PPP1R1C: variants seen among roughly 807,000 people sequenced by gnomAD.
PPP1R1C encodes protein phosphatase 1 regulatory inhibitor subunit 1C.
PPP1R1C carries 15 observed loss-of-function variants against 17.4 expected under a neutral mutation model. The observed-to-expected ratio is 0.86, with a 90% confidence interval of 0.58 to 1.33. PPP1R1C has a LOEUF of 1.33. Ranked by LOEUF, PPP1R1C falls within the 40% of genes most tolerant of loss-of-function variation. PPP1R1C has a pLI of 0.00. For synonymous variants in PPP1R1C, 35 were observed against 43.1 expected, an observed-to-expected ratio of 0.81 and a Z score of 0.73; for missense variants, 143 against 130.0, an observed-to-expected ratio of 1.10 and a Z score of -0.48.
At position 181,962,293 on chromosome 2, in the gene PPP1R1C, G is replaced by A. The variant is rs1203127664; in HGVS notation, n.111+7659G>A. 11 of 769,168 alleles carry A rather than the reference G, an allele frequency of 1.4e-5. No individual in the cohort carries two copies. In the Admixed American group the frequency reaches 1.8e-4, roughly 13 times the overall value. 47.6% of individuals were successfully genotyped at this position (769,168 alleles called of 1,614,324 possible). A position where few individuals can be genotyped will look rare whatever the true frequency, so the allele number is the denominator to read the frequency against. The stretch of plus-strand genomic sequence containing the variant: ...GACCCCCGGCCATCCCCGCGGCCAG[G>A]TCCCCGGACCCCATGCCACCCCGGA... On this transcript the variant is annotated intron_variant and non_coding_transcript_variant, in intron 1 of 5. Transcript: ENST00000464264. The surrounding 1 kb of genome is among the most constrained non-coding windows in gnomAD (Gnocchi z 6.0).
intron 4 of PPP1R1C, among the ~76,000 whole-genome samples, chr2:182,101,380 G>A (rs1470470786): frequency 2.6e-5 from 4 of 152,132 alleles, no homozygotes; most frequent in Admixed American, 6.5e-5. Context: ...CCATTTCAAT[G>A]TCACCAAATA....
intron 2 of PPP1R1C, among the ~76,000 whole-genome samples, chr2:182,009,814 G>A (rs929871988): frequency 2.6e-5 from 4 of 152,030 alleles, no homozygotes; most frequent in Non-Finnish European, 5.9e-5. Flanking sequence ...GTGAGAGATA[G>A]GGGTCTAGTT....
At chr2:182,000,813 C>A (rs1052050682) in intron 2 of PPP1R1C, among the ~76,000 whole-genome samples, 2 of 152,048 alleles carry the variant, frequency 1.3e-5, no homozygotes, top group African/African-American at 4.8e-5. Context: ...TGCTCAATGC[C>A]TTTCTGTCAC....
At chr2:182,015,023 C>T (rs1191934925) in intron 2 of PPP1R1C, among the ~76,000 whole-genome samples, 3 of 152,068 alleles carry the variant, frequency 2.0e-5, no homozygotes, top group Non-Finnish European at 4.4e-5. Context: ...CCCTAGAAGT[C>T]CTCTTGGTGC....
At chr2:182,114,150 A>G (rs1689514801) in intron 4 of PPP1R1C, among the ~76,000 whole-genome samples, 1 of 152,150 alleles carries the variant, frequency 6.6e-6, no homozygotes, top group African/African-American at 2.4e-5. Context: ...CTTCGAAGAA[A>G]AGAACCTTCA....
In PPP1R1C at chr2:181,957,252, C is replaced by A. The variant is rs1175632121; in HGVS notation, n.111+2618C>A. On this transcript the variant is annotated intron_variant and non_coding_transcript_variant, in intron 1 of 5. Transcript: ENST00000464264. This position sits in a 1 kb window ranked among gnomAD's most constrained non-coding sequence, Gnocchi z 4.2. Reference sequence around the variant, plus strand: ...GTGCACCCCTGTAATCCCAGCTATTCAGGAGGCTGAGGCAGAATTGCTTGA... The same window carrying A: ...GTGCACCCCTGTAATCCCAGCTATTAAGGAGGCTGAGGCAGAATTGCTTGA... Among the ~76,000 whole-genome samples, 1 of 152,114 alleles carries A rather than the reference C, an allele frequency of 6.6e-6. No homozygotes were observed. Among genetic ancestry groups the A allele is most frequent in the Non-Finnish European group, 1.5e-5 (1 of 68,012 alleles).
At chr2:182,061,865 A>C (rs1687860491) in intron 3 of PPP1R1C, among the ~76,000 whole-genome samples, 1 of 152,074 alleles carries the variant, frequency 6.6e-6, no homozygotes, top group African/African-American at 2.4e-5. Context: ...ATGTGGAGCC[A>C]AAAGTCTGAG....
intron 2 of PPP1R1C, among the ~76,000 whole-genome samples, chr2:182,005,499 CAA>C (rs1391286410): frequency 6.6e-6 from 1 of 152,094 alleles, no homozygotes; most frequent in Non-Finnish European, 1.5e-5. Context: ...CTTTCATTTT[CAA>C]TTTTTAGGAA....
chr2:181,967,104 G>A lies in PPP1R1C; in HGVS notation n.112-8115G>A, dbSNP rs1040746405. Among the ~76,000 whole-genome samples the A allele has an allele frequency of 2.6e-5, 4 of 151,948 alleles. No individual in the cohort carries two copies. The highest frequency in any genetic ancestry group is 4.4e-5 in the Non-Finnish European group (3 of 67,954). ...TTATTGGCATATGGTTGCTCATAGT[G>A]GTCTCTAATCATCCTTTGAATTTCT... On this transcript the variant is annotated intron_variant and non_coding_transcript_variant, in intron 1 of 5. Transcript: ENST00000464264. The surrounding 1 kb of genome is among the most constrained non-coding windows in gnomAD (Gnocchi z 5.5).
intron 4 of PPP1R1C, among the ~76,000 whole-genome samples, chr2:182,067,494 C>T (rs1404819517): frequency 6.6e-6 from 1 of 152,090 alleles, no homozygotes; most frequent in Non-Finnish European, 1.5e-5. Context: ...AGACGTACTT[C>T]AGATCACCAA....
intron 4 of PPP1R1C, among the ~76,000 whole-genome samples, chr2:182,067,320 T>C (rs1688012429): frequency 6.6e-6 from 1 of 151,998 alleles, no homozygotes; most frequent in South Asian, 2.1e-4. Context: ...TTTTTTTTTC[T>C]CCAAGGATGG....
intron 4 of PPP1R1C, among the ~76,000 whole-genome samples, chr2:182,112,223 C>T (rs1024635080): frequency 1.3e-5 from 2 of 152,068 alleles, no homozygotes; most frequent in African/African-American, 4.8e-5. Context: ...TATGTCTCAT[C>T]TCTACAGACT....
At chr2:182,047,125 A>G (rs1687371939) in intron 2 of PPP1R1C, among the ~76,000 whole-genome samples, 1 of 152,150 alleles carries the variant, frequency 6.6e-6, no homozygotes, top group African/African-American at 2.4e-5. Flanking sequence ...CGTTTGAATA[A>G]TTTTCTCATG....
intron 1 of PPP1R1C, among the ~76,000 whole-genome samples, chr2:181,956,265 A>G (rs989611672): frequency 6.6e-6 from 1 of 152,142 alleles, no homozygotes; most frequent in Non-Finnish European, 1.5e-5. Context: ...TCCATGGTGT[A>G]TATGTGCCAC....
chr2:182,030,489 G>A (rs1484862744), intron 2 of PPP1R1C, among the ~76,000 whole-genome samples: 1 of 150,798 alleles, frequency 6.6e-6, no homozygotes, highest in African/African-American at 2.4e-5. Flanking sequence ...ATGTCAGTGT[G>A]CCCCTGCTGG....
At chr2:182,012,194 T>A (rs1686104910) in intron 2 of PPP1R1C, among the ~76,000 whole-genome samples, 1 of 152,082 alleles carries the variant, frequency 6.6e-6, no homozygotes, top group Non-Finnish European at 1.5e-5. Context: ...ATCTGTCCAA[T>A]GCTGAAAGTG....
intron 4 of PPP1R1C, among the ~76,000 whole-genome samples, chr2:182,106,940 G>A (rs899105267): frequency 6.6e-6 from 1 of 152,064 alleles, no homozygotes; most frequent in Non-Finnish European, 1.5e-5. Flanking sequence ...TGCCCTTCGA[G>A]GGGTATAAGG....
In PPP1R1C at chr2:182,028,470, T is replaced by C. The variant is rs1371579870; in HGVS notation, c.143-32972T>C. Among the ~76,000 whole-genome samples the C allele has an allele frequency of 1.1e-4, 16 of 152,218 alleles. No homozygotes were observed. The East Asian group carries it at 1.2e-3, about 11-fold the overall frequency. ...ATTTCTGCCTTCATTTCATTATGTA[T>C]CCAGTAGTCATTCAGGAGCAGGTTC... On this transcript the variant is annotated intron_variant, in intron 2 of 4. Coordinates refer to ENST00000682840, the MANE Select transcript of PPP1R1C (RefSeq NM_001080545.3).
At chr2:182,031,639 A>G (rs115394355) in intron 2 of PPP1R1C, among the ~76,000 whole-genome samples, 2,833 of 152,186 alleles carry the variant, frequency 0.019, 75 homozygotes, top group African/African-American at 0.065. Flanking sequence ...CTCACTTCTT[A>G]TTTTCTTATC....
Sources: gnomAD v4.1 joint callset for allele counts (sites outside exome capture counted in the v4.1 genomes callset) on GRCh38, gnomAD v4.1.1 for gene constraint, Gnocchi (gnomAD v3.1) non-coding constraint, MANE v1.5 for transcripts, NCBI Gene and HGNC (gene_info 2026-07-23, HGNC 2026-07-21) for gene names.